The following SLIT3 variants were observed in gnomAD, a reference collection of about 807,000 sequenced individuals.
The protein encoded by SLIT3 is slit guidance ligand 3, also known as slit homolog 3 protein.
SLIT3 carries 68 observed loss-of-function variants against 184.0 expected under a neutral mutation model. The ratio of observed to expected loss-of-function variants is 0.37; its 90% confidence interval spans 0.30 to 0.45. The LOEUF is 0.45. Ranked by LOEUF, SLIT3 falls within the 20% of genes least tolerant of loss-of-function variation. The pLI, the probability that SLIT3 is intolerant of heterozygous loss-of-function variation, is 1.00. For missense variants in SLIT3, 1,707 were observed against 2,026.0 expected, an observed-to-expected ratio of 0.84 and a Z score of 3.02; for synonymous variants, 831 against 828.6, an observed-to-expected ratio of 1.00 and a Z score of -0.05.
At chr5:168,811,195 G>T (rs924638615) in intron 8 of SLIT3, among the ~76,000 whole-genome samples, 7 of 152,094 alleles carry the variant, frequency 4.6e-5, no homozygotes, top group African/African-American at 1.7e-4. Context: ...AGGACACAGT[G>T]GGGTCCAAAC....
chr5:169,283,359 C>T (rs1260744627), intron 1 of SLIT3, among the ~76,000 whole-genome samples: 3 of 152,198 alleles, frequency 2.0e-5, no homozygotes, highest in Admixed American at 6.5e-5. Context: ...CTGGTCTATG[C>T]TTTTGAAAGT....
intron 4 of SLIT3, chr5:169,036,295 A>G (rs528621889): frequency 6.6e-6 from 1 of 152,300 alleles, no homozygotes; most frequent in East Asian, 1.9e-4. Flanking sequence ...GTTTGAATAA[A>G]CAGAACTAGA....
chr5:169,062,513 C>T (rs1758208089), intron 4 of SLIT3, among the ~76,000 whole-genome samples: 1 of 152,236 alleles, frequency 6.6e-6, no homozygotes, highest in African/African-American at 2.4e-5. Context: ...TGTCCACTTC[C>T]TCTGCCCTCA....
intron 4 of SLIT3, among the ~76,000 whole-genome samples, chr5:168,977,971 G>A (rs1754824624): frequency 6.6e-6 from 1 of 152,140 alleles, no homozygotes; most frequent in South Asian, 2.1e-4. Context: ...GCATTCCTCT[G>A]TCCTCTCGCT....
chr5:169,180,406 G>T (rs1285903879), intron 4 of SLIT3, among the ~76,000 whole-genome samples: 1 of 152,170 alleles, frequency 6.6e-6, no homozygotes, highest in African/African-American at 2.4e-5. Flanking sequence ...TTTAACTGGG[G>T]AAAAGAGGAG....
intron 3 of SLIT3, among the ~76,000 whole-genome samples, chr5:169,198,861 G>A (rs297847): frequency 0.033 from 4,983 of 151,994 alleles, 304 homozygotes; most frequent in African/African-American, 0.11. Flanking sequence ...GAACCCAGGA[G>A]GCAGAGGTTG....
intron 4 of SLIT3, among the ~76,000 whole-genome samples, chr5:169,153,852 C>A (rs186419546): frequency 6.6e-6 from 1 of 152,150 alleles, no homozygotes; most frequent in East Asian, 1.9e-4. Flanking sequence ...TGTCTTCCTT[C>A]GGCCAGACTC....
chr5:168,986,046 C>G (rs1448450409), intron 4 of SLIT3, among the ~76,000 whole-genome samples: 1 of 152,164 alleles, frequency 6.6e-6, no homozygotes, highest in African/African-American at 2.4e-5. Flanking sequence ...AAACGTCCAG[C>G]CTCACGAAGA....
chr5:169,133,853 G>A (rs116144851), intron 4 of SLIT3, among the ~76,000 whole-genome samples: 10 of 152,186 alleles, frequency 6.6e-5, no homozygotes, highest in Non-Finnish European at 1.3e-4. Context: ...ATAATTAAAC[G>A]TCAGATGTAC....
In SLIT3 at chr5:168,722,315, G is replaced by A. The variant is rs1273931336; in HGVS notation, c.2424C>T (p.Tyr808=). 1.2e-6 allele frequency: 2 copies of A among 1,614,168 alleles called. No individual in the cohort carries two copies. Among genetic ancestry groups the A allele is most frequent in the Admixed American group, 3.3e-5 (2 of 60,026 alleles). Reference sequence around the variant, plus strand: ...GGACGGGGATGCACCTCAGCCGGTTGTAGCTCAGGATCCTGTGGAAAAGGA... The same window carrying A: ...GGACGGGGATGCACCTCAGCCGGTTATAGCTCAGGATCCTGTGGAAAAGGA... ...MSHLSTLILS[Y]NRLRCIPVHA... is the part of the protein sequence containing the mutation. The change falls in exon 23 of 36, where the codon TAC becomes TAT. Residue 808 remains tyrosine, a synonymous_variant. Transcript: ENST00000519560.
intron 6 of SLIT3, among the ~76,000 whole-genome samples, chr5:168,842,359 A>G (rs952960789): frequency 2.7e-5 from 4 of 150,402 alleles, no homozygotes; most frequent in Admixed American, 2.0e-4. Flanking sequence ...ATCAGATCCT[A>G]TGGGCTCTTT....
At chr5:168,703,729 G>A (rs1321249780) in intron 26 of SLIT3, among the ~76,000 whole-genome samples, 8 of 151,874 alleles carry the variant, frequency 5.3e-5, no homozygotes, top group Admixed American at 1.3e-4. Context: ...CAGCGTGGGC[G>A]GATCACAAGG....
chr5:168,798,749 T>G (rs1315858580), intron 9 of SLIT3, among the ~76,000 whole-genome samples: 2 of 152,088 alleles, frequency 1.3e-5, no homozygotes, highest in Non-Finnish European at 2.9e-5. Flanking sequence ...TAACCACCAC[T>G]ACCACCAAGA....
chr5:169,166,540 C>T (rs1762642578), intron 4 of SLIT3, among the ~76,000 whole-genome samples: 1 of 150,034 alleles, frequency 6.7e-6, no homozygotes, highest in Admixed American at 6.6e-5. Context: ...CTTCACCTCT[C>T]CTGGCATCTG....
chr5:168,920,527 G>A (rs1441113314), intron 4 of SLIT3, among the ~76,000 whole-genome samples: 2 of 152,148 alleles, frequency 1.3e-5, no homozygotes, highest in Admixed American at 1.3e-4. Context: ...GGCACGGAAG[G>A]AATACAGATG....
Position 168,817,356 on chromosome 5 carries a change from A to C in SLIT3, c.737T>G (p.Val246Gly). The C allele has an allele frequency of 6.2e-7, 1 of 1,614,166 alleles. No individual in the cohort carries two copies. The highest frequency in any genetic ancestry group is 8.5e-7 in the Non-Finnish European group (1 of 1,180,034). ...CGCCACGTTGAAGCCCCTCAAATGCACAGGAGCCATGCAGAGTGTGAACTG... is the reference window on the plus strand; with the variant it reads ...CGCCACGTTGAAGCCCCTCAAATGCCCAGGAGCCATGCAGAGTGTGAACTG... ...VGQFTLCMAP[V>G]HLRGFNVADV... Residue 246 changes from valine (V) to glycine (G), a missense_variant, in exon 8 of 36, where the codon GTG becomes GGG. Physicochemically the swap from Val to Gly is moderately radical, Grantham distance 109 (BLOSUM62 -3). This residue lies in a region of SLIT3 where 1,307 missense variants were observed against 1,511.6 expected (regional missense o/e 0.86). Coordinates refer to ENST00000519560, the MANE Select transcript of SLIT3 (RefSeq NM_003062.4).
chr5:169,134,612 C>G (rs1385407692), intron 4 of SLIT3, among the ~76,000 whole-genome samples: 2 of 152,102 alleles, frequency 1.3e-5, no homozygotes, highest in Non-Finnish European at 2.9e-5. Flanking sequence ...GGGCTGGGGG[C>G]TGGGGGAGGG....
intron 11 of SLIT3, among the ~76,000 whole-genome samples, chr5:168,786,432 T>C (rs1581081210): frequency 6.6e-6 from 1 of 152,360 alleles, no homozygotes; most frequent in East Asian, 1.9e-4. Context: ...CTGAGTCATT[T>C]AATCATCCAT....
intron 5 of SLIT3, among the ~76,000 whole-genome samples, chr5:168,871,189 G>A (rs977081479): frequency 6.6e-6 from 1 of 151,960 alleles, no homozygotes; most frequent in African/African-American, 2.4e-5. Context: ...CTCTCTCTCT[G>A]CTTCCAGCAC....
Sources: gnomAD v4.1 joint callset for allele counts (sites outside exome capture counted in the v4.1 genomes callset) on GRCh38, gnomAD v4.1.1 for gene constraint, gnomAD v4.1.1 regional missense constraint, MANE v1.5 for transcripts, NCBI Gene and HGNC (gene_info 2026-07-23, HGNC 2026-07-21) for gene names.